The following SPEG variants were observed in gnomAD, a reference collection of about 807,000 sequenced individuals.
SPEG encodes striated muscle enriched protein kinase, also known as striated muscle preferentially expressed protein kinase.
Under a neutral mutation model 300.4 loss-of-function variants are expected in SPEG, and 114 were observed. The ratio of observed to expected loss-of-function variants is 0.38; its 90% CI spans 0.33 to 0.44. The LOEUF (loss-of-function observed/expected upper bound fraction) is 0.44. SPEG is among the 20% of genes least tolerant of loss of function. The probability of loss-of-function intolerance (pLI) is 1.00; values close to 1 mark genes in which losing one functional copy is unlikely to be tolerated. For synonymous variants in SPEG, 1,964 were observed against 2,018.9 expected, an observed-to-expected ratio of 0.97 and a Z score of 0.73; for missense variants, 4,201 against 4,586.2, an observed-to-expected ratio of 0.92 and a Z score of 2.43.
At position 219,473,027 on chromosome 2, in the gene SPEG, C is replaced by T. The variant is rs1447025227; in HGVS notation, c.4078C>T (p.Leu1360Phe). 1.2e-6 allele frequency: 2 copies of T among 1,613,912 alleles called. No individual in the cohort carries two copies. The highest frequency in any genetic ancestry group is 1.1e-5 in the South Asian group (1 of 91,088). The change falls in exon 16 of 41, where the codon CTC (leucine) becomes TTC (phenylalanine). Residue 1360 changes from leucine to phenylalanine, a missense_variant. By Grantham distance (22) the Leu-to-Phe change is conservative. Around this residue, in one of 4 missense-constraint regions of SPEG, gnomAD observed 1,047 missense variants for 1,356.8 expected, o/e 0.77. Transcript: ENST00000312358. This position sits in a 1 kb window ranked among gnomAD's most constrained non-coding sequence, Gnocchi z 4.6. ...GGGGGTCCAGCACATCTTCCGGGTC[C>T]TCAGCACCACTGTCAAGAGCAGCAG... ...RKGVQHIFRVLSTTVKSSSKP... is the reference protein window; with the variant it reads ...RKGVQHIFRVFSTTVKSSSKP...
chr2:219,455,556 CTGGAGGCTG>C (rs1690110963), intron 6 of SPEG, among the ~76,000 whole-genome samples: 1 of 152,176 alleles, frequency 6.6e-6, no homozygotes, highest in Admixed American at 6.5e-5. Context: ...TTAGGGCCAG[CTGGAGGCTG>C]GAGCTATGAT....
chr2:219,484,376 G>A lies in SPEG; in HGVS notation c.6913G>A (p.Glu2305Lys), dbSNP rs754379643. The change falls in exon 30 of 41, where the codon GAG (glutamate) becomes AAG (lysine). Residue 2305 changes from glutamate (E) to lysine (K), a missense_variant. This residue lies in a region of SPEG where 1,578 missense variants were observed against 1,506.0 expected (regional missense o/e 1.05). Transcript: ENST00000312358. ...PSAGGPPVLAEKARVPTVPPR... is the reference protein window; with the variant it reads ...PSAGGPPVLAKKARVPTVPPR... ...AGCCGGGGGTCCCCCGGTGCTAGCC[G>A]AGAAAGCCCGAGTTCCCACGGTGCC... The A allele has an allele frequency of 1.0e-5, 16 of 1,607,982 alleles. No homozygotes were observed. Among genetic ancestry groups the A allele is most frequent in the Non-Finnish European group, 1.3e-5 (15 of 1,179,380 alleles).
In SPEG at chr2:219,440,198, GATA is replaced by G. The variant is rs1954822715; in HGVS notation, c.389-4450_389-4448del. Among the ~76,000 whole-genome samples, 5 of 152,188 alleles carry G rather than the reference GATA, an allele frequency of 3.3e-5. No homozygotes were observed. In the South Asian group the frequency reaches 1.0e-3, roughly 32 times the overall value. ...AGGAGTTCGAGACCAGCTTGTGTAAGATAATAAGACTTCATCTCTACTTAATAT... is the reference window on the plus strand; with the variant it reads ...AGGAGTTCGAGACCAGCTTGTGTAAGATAAGACTTCATCTCTACTTAATAT... On this transcript the variant is annotated intron_variant, in intron 1 of 40. Transcript: ENST00000312358.
chr2:219,478,385 C>T (rs561204046), intron 22 of SPEG, among the ~76,000 whole-genome samples: 4 of 152,264 alleles, frequency 2.6e-5, no homozygotes, highest in Admixed American at 2.6e-4. Flanking sequence ...TTATTATTAA[C>T]TTGTATTATC....
rs752571769 is a variant in SPEG at position 219,489,551 on chromosome 2, C to T, written c.8533C>T (p.Pro2845Ser). Residue 2845 changes from proline to serine, a missense_variant, in exon 36 of 41, where the codon CCT (proline) becomes TCT (serine). Pro to Ser is a moderately conservative substitution (Grantham distance 74). Around this residue, in one of 4 missense-constraint regions of SPEG, gnomAD observed 1,578 missense variants for 1,506.0 expected, o/e 1.05. Coordinates refer to ENST00000312358, the MANE Select transcript of SPEG (RefSeq NM_005876.5). Reference protein sequence around the residue: ...LKAVGPPPQTPPRRHRGLQAA... With the variant: ...LKAVGPPPQTSPRRHRGLQAA... ...GGCTGTGGGTCCACCACCCCAAACC[C>T]CTCCACGAAGACACAGGGGCCTGCA... The T allele has an allele frequency of 6.2e-7, 1 of 1,613,714 alleles. No homozygotes were observed. The highest frequency in any genetic ancestry group is 1.1e-5 in the South Asian group (1 of 91,058).
At chr2:219,474,940 G>A (rs919140746) in intron 18 of SPEG, among the ~76,000 whole-genome samples, 5 of 151,540 alleles carry the variant, frequency 3.3e-5, no homozygotes, top group Admixed American at 6.6e-5. Flanking sequence ...GCACAACCAC[G>A]CCCAGCAAAT....
chr2:219,481,155 A>G lies in SPEG; in HGVS notation c.5370-149A>G. The G allele has an allele frequency of 1.2e-6, 1 of 811,902 alleles. No homozygotes were observed. Among genetic ancestry groups the G allele is most frequent in the Admixed American group, 2.4e-5 (1 of 42,442 alleles). The allele number at this position is 811,902 out of a possible 1,614,324, so 50.3% of individuals were successfully genotyped here. A position where few individuals can be genotyped will look rare whatever the true frequency, so the allele number is the denominator to read the frequency against. On this transcript the variant is annotated intron_variant, in intron 26 of 40. Coordinates refer to ENST00000312358, the MANE Select transcript of SPEG (RefSeq NM_005876.5). The surrounding 1 kb of genome is among the most constrained non-coding windows in gnomAD (Gnocchi z 5.4). ...CTGGGGAGGGGACAGGGCAGGAGAG[A>G]GTCCGCAGCCTCACCTCTTACCCAC...
chr2:219,450,028 C>T lies in SPEG; in HGVS notation c.2113+757C>T, dbSNP rs1250832414. On this transcript the variant is annotated intron_variant, in intron 4 of 40. Transcript: ENST00000312358. ...GCGTCCTTGACCCACTTCCACTGCT[C>T]CTCCAGAATAGATGCCTCTACCTGC... Among the ~76,000 whole-genome samples the T allele has an allele frequency of 2.0e-5, 3 of 152,176 alleles. No homozygotes were observed. The East Asian group carries it at 5.8e-4, about 29-fold the overall frequency.
At position 219,488,203 on chromosome 2, in the gene SPEG, C is replaced by T. The variant is rs748099007; in HGVS notation, c.7751C>T (p.Pro2584Leu). 8.1e-6 allele frequency: 13 copies of T among 1,612,130 alleles called. No homozygotes were observed. In the South Asian group the frequency reaches 1.2e-4, roughly 15 times the overall value. ...TCTGCTTTTCCTCCAGACTTCCCCC[C>T]AGTCTTCCACATCAAACTCAAGGAC... ...QYVRSESDFP[P>L]VFHIKLKDQV... Residue 2584 changes from proline (P) to leucine (L), a missense_variant, in exon 32 of 41, where the codon CCA becomes CTA. Pro to Leu is a moderately conservative substitution (Grantham distance 98). Around this residue, in one of 4 missense-constraint regions of SPEG, gnomAD observed 1,578 missense variants for 1,506.0 expected, o/e 1.05. Transcript: ENST00000312358.
At position 219,491,874 on chromosome 2, in the gene SPEG, G is replaced by A; in HGVS notation, c.9461+5G>A. Reference sequence around the variant, plus strand: ...GGGTGTGCTCACTTACATTATGTGAGTGTCCCCTACCCCACCGCAGCCCTC... The same window carrying A: ...GGGTGTGCTCACTTACATTATGTGAATGTCCCCTACCCCACCGCAGCCCTC... On this transcript the variant is annotated splice_donor_5th_base_variant and intron_variant, in intron 39 of 40. Coordinates refer to ENST00000312358, the MANE Select transcript of SPEG (RefSeq NM_005876.5). 1 of 1,597,664 alleles carries A rather than the reference G, an allele frequency of 6.3e-7. No homozygotes were observed. The highest frequency in any genetic ancestry group is 8.5e-7 in the Non-Finnish European group (1 of 1,170,020).
intron 1 of SPEG, among the ~76,000 whole-genome samples, chr2:219,440,232 T>A (rs753534821): frequency 2.2e-4 from 33 of 151,534 alleles, no homozygotes; most frequent in Non-Finnish European, 3.5e-4. Context: ...AATATTTTTT[T>A]AAAAATTAGC....
Position 219,479,994 on chromosome 2 carries a change from G to C in SPEG, c.5196G>C (p.Ala1732=), listed in dbSNP as rs61743627. Residue 1732 remains alanine, a synonymous_variant, in exon 25 of 41, where the codon GCG becomes GCC. Transcript: ENST00000312358. This position sits in a 1 kb window ranked among gnomAD's most constrained non-coding sequence, Gnocchi z 5.5. ...ACCTGCTGGTGTGGGATGGTGCTGCGGGCGAGCAGCAGGTGCGGATCTGTG... is the reference window on the plus strand; with the variant it reads ...ACCTGCTGGTGTGGGATGGTGCTGCCGGCGAGCAGCAGGTGCGGATCTGTG... ...PENLLVWDGA[A]GEQQVRICDF... 3.7e-6 allele frequency: 6 copies of C among 1,614,008 alleles called. No homozygotes were observed. Among genetic ancestry groups the C allele is most frequent in the African/African-American group, 1.3e-5 (1 of 74,904 alleles).
intron 31 of SPEG, 40 bp downstream of exon 31, chr2:219,485,517 C>G (rs765411168): frequency 1.3e-6 from 2 of 1,508,436 alleles, no homozygotes; most frequent in Admixed American, 2.2e-5. Context: ...TCCTCCCCTC[C>G]TGCCCTCCCC....
Position 219,444,928 on chromosome 2 carries a change from C to T in SPEG, c.582C>T (p.Val194=). 2 of 1,585,718 alleles carry T rather than the reference C, an allele frequency of 1.3e-6. No individual in the cohort carries two copies. The highest frequency in any genetic ancestry group is 1.7e-6 in the Non-Finnish European group (2 of 1,166,554). Residue 194 remains valine, a synonymous_variant, in exon 3 of 41, where the codon GTC becomes GTT. Coordinates refer to ENST00000312358, the MANE Select transcript of SPEG (RefSeq NM_005876.5). The surrounding 1 kb of genome is among the most constrained non-coding windows in gnomAD (Gnocchi z 7.8). ...GCTGGTGGGGCAGCGGGCAGACGGT[C>T]CTGGAGCAGGAAGCGGGCAGTGGGG... ...QVSWWGSGQT[V]LEQEAGSGGG...
Position 219,448,755 on chromosome 2 carries a change from C to A in SPEG, c.1597C>A (p.Pro533Thr). ...CCCATCCCCTCGAGAGCCCGGCGAG[C>A]CCCCGCTCTTCTCTCGGCCCTCCAC... ...RAPSPREPGE[P>T]PLFSRPSTPK... Residue 533 changes from proline to threonine, a missense_variant, in exon 4 of 41, where the codon CCC (proline) becomes ACC (threonine). Physicochemically the swap from Pro to Thr is conservative, Grantham distance 38. Coordinates refer to ENST00000312358, the MANE Select transcript of SPEG (RefSeq NM_005876.5). 1 of 1,466,232 alleles carries A rather than the reference C, an allele frequency of 6.8e-7. No individual in the cohort carries two copies. The highest frequency in any genetic ancestry group is 1.3e-5 in the South Asian group (1 of 76,140). 90.8% of individuals were successfully genotyped at this position (1,466,232 alleles called of 1,614,324 possible).
rs1191070035 is a variant in SPEG at position 219,489,241 on chromosome 2, G to A, written c.8317+20G>A. ...CTCAAGGTCAGTGCAATGGTATGGG[G>A]TGGGAGGAGGAAGGGGGCTCTGAGC... On this transcript the variant is annotated intron_variant, in intron 35 of 40. Coordinates refer to ENST00000312358, the MANE Select transcript of SPEG (RefSeq NM_005876.5). The A allele has an allele frequency of 6.2e-7, 1 of 1,613,590 alleles. No homozygotes were observed. The highest frequency in any genetic ancestry group is 8.5e-7 in the Non-Finnish European group (1 of 1,179,678).
rs1266504480 is a variant in SPEG, at chr2:219,445,015, G to A, written c.669G>A (p.Arg223=). 6.2e-7 allele frequency: 1 copy of A among 1,610,078 alleles called. No homozygotes were observed. Among genetic ancestry groups the A allele is most frequent in the Non-Finnish European group, 8.5e-7 (1 of 1,178,504 alleles). Residue 223 remains arginine (R), a synonymous_variant, in exon 3 of 41, where the codon CGG becomes CGA. Coordinates refer to ENST00000312358, the MANE Select transcript of SPEG (RefSeq NM_005876.5). This position sits in a 1 kb window ranked among gnomAD's most constrained non-coding sequence, Gnocchi z 6.1. ...CACAGGCAACCGGGGCCGGGCCACG[G>A]CACCTGGGGGTGGAGCCGCTGGTGC... The part of the protein sequence containing the change: ...RQAQATGAGP[R]HLGVEPLVRA...
At position 219,477,846 on chromosome 2, in the gene SPEG, G is replaced by C; in HGVS notation, c.4827-59G>C. 1.3e-6 allele frequency: 2 copies of C among 1,598,610 alleles called. No homozygotes were observed. The highest frequency in any genetic ancestry group is 1.7e-6 in the Non-Finnish European group (2 of 1,168,222). On this transcript the variant is annotated intron_variant, in intron 21 of 40. Coordinates refer to ENST00000312358, the MANE Select transcript of SPEG (RefSeq NM_005876.5). The surrounding 1 kb of genome is among the most constrained non-coding windows in gnomAD (Gnocchi z 6.4). Reference sequence around the variant, plus strand: ...AGAGGCTGCTGGGTCTGAGGGTTGGGAGGGGTGGAGAGGGCCACAGTGATG... The same window carrying C: ...AGAGGCTGCTGGGTCTGAGGGTTGGCAGGGGTGGAGAGGGCCACAGTGATG...
In SPEG at chr2:219,467,366, A is replaced by G. The variant is rs201454314; in HGVS notation, c.3074A>G (p.Lys1025Arg). 12 of 1,612,622 alleles carry G rather than the reference A, an allele frequency of 7.4e-6. 1 individual carries two copies. The South Asian group carries it at 1.3e-4, about 18-fold the overall frequency. The change falls in exon 10 of 41, where the codon AAG (lysine) becomes AGG (arginine). Residue 1025 changes from lysine to arginine, a missense_variant. By Grantham distance (26) the Lys-to-Arg change is conservative. Coordinates refer to ENST00000312358, the MANE Select transcript of SPEG (RefSeq NM_005876.5). Reference protein sequence around the residue: ...CKMHFDGRKCKLLLTSVHEDD... With the variant: ...CKMHFDGRKCRLLLTSVHEDD... ...ATGCATTTCGATGGCCGCAAATGCA[A>G]GCTGCTACTTACATCTGTACATGAG...
Sources: gnomAD v4.1 joint callset for allele counts (sites outside exome capture counted in the v4.1 genomes callset) on GRCh38, gnomAD v4.1.1 for gene constraint, gnomAD v4.1.1 regional missense constraint, Gnocchi (gnomAD v3.1) non-coding constraint, MANE v1.5 for transcripts, NCBI Gene and HGNC (gene_info 2026-07-23, HGNC 2026-07-21) for gene names.